Variants in C8orf89 observed in about 807,000 individuals in gnomAD.
The protein encoded by C8orf89 is putative uncharacterized protein C8orf89.
Under a neutral mutation model 15.8 loss-of-function variants are expected in C8orf89, and 14 were observed. The ratio of observed to expected loss-of-function variants is 0.89; its 90% confidence interval spans 0.59 to 1.39. The LOEUF (loss-of-function observed/expected upper bound fraction) is 1.39, where lower values mean the gene tolerates loss of function less well. Ranked by LOEUF, C8orf89 falls within the 40% of genes most tolerant of loss-of-function variation. C8orf89 has a pLI of 0.00. For synonymous variants in C8orf89, 55 were observed against 62.2 expected (o/e 0.88, Z 0.54); for missense variants, 181 against 184.5 (o/e 0.98, Z 0.11).
chr8:73,256,726 C>CAA (rs11288188), intron 2 of C8orf89, among the ~76,000 whole-genome samples: 537 of 41,720 alleles, frequency 0.013, 6 homozygotes, highest in Middle Eastern at 0.019. Flanking sequence ...GACTCTGTCT[C>CAA]AAAAAAAAAA....
chr8:73,274,652 T>C, the C8orf89 span, among the ~76,000 whole-genome samples: 1 of 152,194 alleles, frequency 6.6e-6, no homozygotes, highest in Non-Finnish European at 1.5e-5. Context: ...CCATCCCCCA[T>C]CATGCTCCTT....
upstream of C8orf89, among the ~76,000 whole-genome samples, chr8:73,261,526 G>A (rs527385122): frequency 6.6e-5 from 10 of 152,116 alleles, no homozygotes; most frequent in East Asian, 1.7e-3. Flanking sequence ...AGGGAGAGGC[G>A]AGCCCTCCCC....
chr8:73,243,030 T>C (rs1388699462), intron 3 of C8orf89, among the ~76,000 whole-genome samples: 1 of 152,208 alleles, frequency 6.6e-6, no homozygotes, highest in Non-Finnish European at 1.5e-5. Context: ...GAGATCATTA[T>C]GTTAGGTTAA....
At chr8:73,272,523 T>C in the C8orf89 span, among the ~76,000 whole-genome samples, 3 of 152,150 alleles carry the variant, frequency 2.0e-5, no homozygotes, top group African/African-American at 7.2e-5. Context: ...ATTATATATG[T>C]ATACATGTGC....
Position 73,257,066 on chromosome 8 carries a change from G to A in C8orf89, c.188C>T (p.Pro63Leu), listed in dbSNP as rs868609483. 6.5e-7 allele frequency: 1 copy of A among 1,535,476 alleles called. No homozygotes were observed. The highest frequency in any genetic ancestry group is 8.7e-7 in the Non-Finnish European group (1 of 1,146,476). ...LKECIKMPYL[P>L]GLQSCQKSVS... ...ACTTTTTTGGCAACTTTGCAGTCCT[G>A]GTAAATATGGCATTTTGATACATTC... Residue 63 changes from proline (P) to leucine (L), a missense_variant, in exon 2 of 4, where the codon CCA (proline) becomes CTA (leucine). Pro to Leu is a moderately conservative substitution (Grantham distance 98). Coordinates refer to ENST00000624510, the MANE Select transcript of C8orf89 (RefSeq NM_001243237.3).
At chr8:73,256,162 T>G (rs1015238777) in intron 2 of C8orf89, among the ~76,000 whole-genome samples, 4 of 144,546 alleles carry the variant, frequency 2.8e-5, no homozygotes, top group African/African-American at 1.1e-4. Flanking sequence ...AATAATAATG[T>G]TTTCAAATGT....
the C8orf89 span, chr8:73,277,628 AC>A: frequency 1.3e-6 from 1 of 761,136 alleles, no homozygotes; most frequent in Non-Finnish European, 2.5e-6. Context: ...GGACCATAGA[AC>A]TTTTTCTTTT....
At chr8:73,267,024 C>A in the C8orf89 span, among the ~76,000 whole-genome samples, 15 of 152,210 alleles carry the variant, frequency 9.9e-5, no homozygotes, top group African/African-American at 3.6e-4. Flanking sequence ...GGACTATAAA[C>A]CTTAATAAGA....
chr8:73,284,032 AACTC>A, the C8orf89 span, among the ~76,000 whole-genome samples: 1 of 151,490 alleles, frequency 6.6e-6, no homozygotes, highest in Admixed American at 6.6e-5. Context: ...ACAAGAACGA[AACTC>A]TGTCTTAAAA....
the C8orf89 span, among the ~76,000 whole-genome samples, chr8:73,283,488 A>C: frequency 2.0e-5 from 3 of 152,212 alleles, no homozygotes; most frequent in Non-Finnish European, 4.4e-5. Flanking sequence ...GACTCTCATA[A>C]GGTGAGGATT....
At chr8:73,247,535 T>C (rs945944089) in intron 3 of C8orf89, among the ~76,000 whole-genome samples, 4 of 152,244 alleles carry the variant, frequency 2.6e-5, no homozygotes, top group Non-Finnish European at 2.9e-5. Context: ...CCTACAATGA[T>C]TGAACTAATT....
At chr8:73,275,656 C>G in the C8orf89 span, among the ~76,000 whole-genome samples, 1 of 152,118 alleles carries the variant, frequency 6.6e-6, no homozygotes, top group Non-Finnish European at 1.5e-5. Flanking sequence ...ATGCCTATTT[C>G]TATGCTTTCC....
At chr8:73,273,005 G>T in the C8orf89 span, among the ~76,000 whole-genome samples, 2 of 152,154 alleles carry the variant, frequency 1.3e-5, no homozygotes, top group Non-Finnish European at 2.9e-5. Context: ...TAATGCCAAG[G>T]AAAAAGGTAA....
intron 3 of C8orf89, among the ~76,000 whole-genome samples, chr8:73,246,539 C>T (rs576317762): frequency 1.2e-3 from 183 of 152,236 alleles, no homozygotes; most frequent in Non-Finnish European, 2.1e-3. Flanking sequence ...CCACAATTCC[C>T]GGCTAATTTT....
intron 3 of C8orf89, among the ~76,000 whole-genome samples, chr8:73,247,451 C>G (rs1813152156): frequency 1.3e-5 from 2 of 152,304 alleles, no homozygotes; most frequent in Admixed American, 1.3e-4. Flanking sequence ...CCTTTGGGTA[C>G]ATACCCAGTA....
At chr8:73,275,798 TTTTAG>T in the C8orf89 span, among the ~76,000 whole-genome samples, 2 of 152,206 alleles carry the variant, frequency 1.3e-5, no homozygotes, top group African/African-American at 4.8e-5. Context: ...TGTTTATGTC[TTTTAG>T]TTTATCAGAA....
chr8:73,268,485 C>CAAAAAAA, the C8orf89 span, among the ~76,000 whole-genome samples: 1 of 143,436 alleles, frequency 7.0e-6, no homozygotes, highest in Non-Finnish European at 1.5e-5. Context: ...TCTCAAAAAA[C>CAAAAAAA]AAAAAAAAAA....
chr8:73,260,501 G>T (rs1378970738), upstream of C8orf89, among the ~76,000 whole-genome samples: 3 of 152,080 alleles, frequency 2.0e-5, no homozygotes, highest in Admixed American at 2.0e-4. Context: ...AAACCTGCAC[G>T]TTGTGCACAT....
the C8orf89 span, among the ~76,000 whole-genome samples, chr8:73,283,008 T>C: frequency 0.61 from 92,220 of 151,972 alleles, 28,184 homozygotes; most frequent in South Asian, 0.78. Flanking sequence ...CTATGCAGTA[T>C]GAATTGAGGT....
Sources: allele counts gnomAD v4.1 joint callset (sites outside exome capture counted in the v4.1 genomes callset), GRCh38; gene constraint gnomAD v4.1.1; transcripts MANE v1.5; gene names NCBI Gene and HGNC (gene_info 2026-07-23, HGNC 2026-07-21).